The following SLC7A10 variants were observed in gnomAD, a reference collection of about 807,000 sequenced individuals.
SLC7A10 encodes solute carrier family 7 member 10, also known as asc-type amino acid transporter 1.
Under a neutral mutation model 52.7 loss-of-function variants are expected in SLC7A10, and 30 were observed. That is an observed-to-expected ratio of 0.57 (90% CI 0.43 to 0.77). The LOEUF is 0.77. SLC7A10 is among the 30% of genes least tolerant of loss of function. SLC7A10 has a pLI of 0.00. For missense variants in SLC7A10, 581 were observed against 698.5 expected (o/e 0.83, Z 1.90); for synonymous variants, 318 against 314.9 (o/e 1.01, Z -0.10).
At chr19:33,213,434 G>A (rs748358927) in intron 2 of SLC7A10, among the ~76,000 whole-genome samples, 4 of 151,922 alleles carry the variant, frequency 2.6e-5, no homozygotes, top group Admixed American at 1.3e-4. Context: ...GACTACAGGC[G>A]CCTGCCACCA....
At position 33,219,336 on chromosome 19, in the gene SLC7A10, C is replaced by T. The variant is rs546445074; in HGVS notation, c.152-3363G>A. On this transcript the variant is annotated intron_variant, in intron 1 of 10. Transcript: ENST00000253188. ...GAACGAAGAAAGGGCCATTGTTCCC[C>T]GTGGCCGCTGCGGTGCATGCTGACC... Among the ~76,000 whole-genome samples the T allele has an allele frequency of 4.6e-5, 7 of 152,374 alleles. No individual in the cohort carries two copies. In the South Asian group the frequency reaches 8.3e-4, roughly 18 times the overall value.
At chr19:33,220,518 TG>T (rs1407661040) in intron 1 of SLC7A10, among the ~76,000 whole-genome samples, 1 of 152,194 alleles carries the variant, frequency 6.6e-6, no homozygotes, top group Non-Finnish European at 1.5e-5. Flanking sequence ...TTATCTTGCT[TG>T]ACTTCCAGAC....
chr19:33,211,718 C>A (rs1201770053), intron 5 of SLC7A10, 181 bp from the exon 6 acceptor site: 1 of 1,163,546 alleles, frequency 8.6e-7, no homozygotes, highest in Non-Finnish European at 1.2e-6. Context: ...TGCCCCACCC[C>A]CACCTGGACA....
chr19:33,216,878 C>G (rs11878801), intron 1 of SLC7A10, among the ~76,000 whole-genome samples: 1 of 152,156 alleles, frequency 6.6e-6, no homozygotes, highest in African/African-American at 2.4e-5. Flanking sequence ...CTGTGCCCAG[C>G]TTCTTTCTTT....
intron 10 of SLC7A10, 134 bp from the exon 11 acceptor site, chr19:33,209,155 T>C (rs1974480098): frequency 2.0e-6 from 3 of 1,533,786 alleles, no homozygotes; most frequent in South Asian, 1.2e-5. Flanking sequence ...AAACTTTGGG[T>C]ACATCTTGGG....
rs1159319172 is a variant in SLC7A10 at position 33,211,235 on chromosome 19, T to A, written c.1006A>T (p.Thr336Ser). Residue 336 changes from threonine (T) to serine (S), a missense_variant, in exon 7 of 11, where the codon ACC becomes TCC. Transcript: ENST00000253188. ...CCCCAGTGCAGTCACCTGGAGTAGG[T>A]GAACAGGTAACCATTGATCCCTCCG... ...TFGGINGYLF[T>S]YSRLCFSGAR... 7 of 1,613,614 alleles carry A rather than the reference T, an allele frequency of 4.3e-6. No homozygotes were observed. The highest frequency in any genetic ancestry group is 5.9e-6 in the Non-Finnish European group (7 of 1,179,908).
rs1974525137 is a variant in SLC7A10, at chr19:33,210,661, C to T, written c.1114-45G>A. ...TGACGGCTGGCCCCTAGCCTGCCTC[C>T]TGACGCCCCTGCAGGATGAGCCCTG... On this transcript the variant is annotated intron_variant, in intron 8 of 10. Coordinates refer to ENST00000253188, the MANE Select transcript of SLC7A10 (RefSeq NM_019849.3). This position sits in a 1 kb window ranked among gnomAD's most constrained non-coding sequence, Gnocchi z 5.6. 3 of 1,609,846 alleles carry T rather than the reference C, an allele frequency of 1.9e-6. No individual in the cohort carries two copies. The highest frequency in any genetic ancestry group is 2.5e-6 in the Non-Finnish European group (3 of 1,179,826).
chr19:33,223,309 G>GAAAAAAAAAAAA (rs59600246), intron 1 of SLC7A10, among the ~76,000 whole-genome samples: 1 of 117,340 alleles, frequency 8.5e-6, no homozygotes, highest in African/African-American at 3.2e-5. Flanking sequence ...CTCTGTCTCA[G>GAAAAAAAAAAAA]AAAAAAAAAA....
intron 1 of SLC7A10, 122 bp downstream of exon 1, chr19:33,225,431 C>T: frequency 8.0e-7 from 1 of 1,243,106 alleles, no homozygotes; most frequent in South Asian, 1.3e-5. Context: ...TCTCTGAGGC[C>T]AGACTGCAGG....
intron 1 of SLC7A10, among the ~76,000 whole-genome samples, chr19:33,216,351 C>CA (rs1348157784): frequency 3.3e-5 from 5 of 152,204 alleles, no homozygotes; most frequent in Admixed American, 3.3e-4. Flanking sequence ...AGGCACCCCA[C>CA]AAGGCCCATG....
At chr19:33,215,636 C>CACACCTTCTCTCCATCCAGCCCCA (rs1974660008) in intron 2 of SLC7A10, 133 bp downstream of exon 2, 1 of 858,748 alleles carries the variant, frequency 1.2e-6, no homozygotes, top group African/African-American at 1.9e-5. Context: ...ATCCACCCCC[C>CACACCTTCTCTCCATCCAGCCCCA]ACACCTTCTC....
chr19:33,210,981 T>C lies in SLC7A10; in HGVS notation c.1017-83A>G. 2 of 1,352,002 alleles carry C rather than the reference T, an allele frequency of 1.5e-6. No homozygotes were observed. Among genetic ancestry groups the C allele is most frequent in the Non-Finnish European group, 2.1e-6 (2 of 951,136 alleles). The allele number at this position is 1,352,002 out of a possible 1,614,324, so 83.8% of individuals were successfully genotyped here. On this transcript the variant is annotated intron_variant, in intron 7 of 10. Coordinates refer to ENST00000253188, the MANE Select transcript of SLC7A10 (RefSeq NM_019849.3). The surrounding 1 kb of genome is among the most constrained non-coding windows in gnomAD (Gnocchi z 5.6). ...GATGTCCCTCTTAAGCTGTCGCCTC[T>C]GACCTCCTGCTCCGGGCCCAGCAGC...
At chr19:33,217,375 C>G (rs186480502) in intron 1 of SLC7A10, among the ~76,000 whole-genome samples, 1 of 152,180 alleles carries the variant, frequency 6.6e-6, no homozygotes, top group African/African-American at 2.4e-5. Flanking sequence ...AGAGTAGGTT[C>G]CCAGGATGAG....
chr19:33,225,714 C>T lies in SLC7A10; in HGVS notation c.-11G>A, dbSNP rs1203810710. 1 of 1,512,640 alleles carries T rather than the reference C, an allele frequency of 6.6e-7. No homozygotes were observed. Among genetic ancestry groups the T allele is most frequent in the Non-Finnish European group, 8.8e-7 (1 of 1,138,768 alleles). The allele number at this position is 1,512,640 out of a possible 1,614,324, so 93.7% of individuals were successfully genotyped here. On this transcript the variant is annotated 5_prime_UTR_variant, in exon 1 of 11. Transcript: ENST00000253188. ...CGTGTGGCCGGCCATGTCGCTGTCCCGCCGCGTCCCCGCTCCCTGCGCTGC... is the reference window on the plus strand; with the variant it reads ...CGTGTGGCCGGCCATGTCGCTGTCCTGCCGCGTCCCCGCTCCCTGCGCTGC...
intron 2 of SLC7A10, among the ~76,000 whole-genome samples, chr19:33,214,519 T>G (rs1974626565): frequency 6.6e-6 from 1 of 152,182 alleles, no homozygotes; most frequent in South Asian, 2.1e-4. Context: ...TACAACAGCT[T>G]CAATCCCCTG....
In SLC7A10 at chr19:33,225,525, G is replaced by T. The variant is rs766057879; in HGVS notation, c.151+28C>A. On this transcript the variant is annotated intron_variant, in intron 1 of 10. Transcript: ENST00000253188. ...TGCGCCCCTCATTCGGCCTCCGCCCGGCGCCCGCCCGCCTGGGTCCCGCTC... is the reference window on the plus strand; with the variant it reads ...TGCGCCCCTCATTCGGCCTCCGCCCTGCGCCCGCCCGCCTGGGTCCCGCTC... 6.3e-6 allele frequency: 10 copies of T among 1,593,938 alleles called. No homozygotes were observed. In the South Asian group the frequency reaches 6.6e-5, roughly 11 times the overall value.
rs143712740 is a variant in SLC7A10 at position 33,211,559 on chromosome 19, C to T, written c.789-22G>A. ...GTTCCTGGTGACAGGCAGTGGAGTG[C>T]GTCAGCGTCAGCTCCTGAGGGTGCA... On this transcript the variant is annotated intron_variant, in intron 5 of 10. Transcript: ENST00000253188. 2.5e-4 allele frequency: 411 copies of T among 1,613,840 alleles called. No individual in the cohort carries two copies. In the East Asian group the frequency reaches 5.2e-3, roughly 20 times the overall value.
At position 33,215,941 on chromosome 19, in the gene SLC7A10, G is replaced by A. The variant is rs762253610; in HGVS notation, c.184C>T (p.Pro62Ser). ...CCTGAGTGCTCCAGGACCCCCTTGGGCGAGATGAAGATGCCCGAGCCGATG... is the reference window on the plus strand; with the variant it reads ...CCTGAGTGCTCCAGGACCCCCTTGGACGAGATGAAGATGCCCGAGCCGATG... ...NIIGSGIFIS[P>S]KGVLEHSGSV... is the part of the protein sequence containing the mutation. Residue 62 changes from proline (P) to serine (S), a missense_variant, in exon 2 of 11, where the codon CCC becomes TCC. Physicochemically the swap from Pro to Ser is moderately conservative, Grantham distance 74. Transcript: ENST00000253188. The A allele has an allele frequency of 1.3e-6, 2 of 1,593,232 alleles. No homozygotes were observed. The highest frequency in any genetic ancestry group is 3.4e-5 in the Admixed American group (2 of 59,258).
At position 33,222,423 on chromosome 19, in the gene SLC7A10, T is replaced by TAAA. The variant is rs199936352; in HGVS notation, c.151+3129_151+3130insTTT. Among the ~76,000 whole-genome samples, 365 of 106,958 alleles carry TAAA rather than the reference T, an allele frequency of 3.4e-3. 2 individuals carry two copies. Among genetic ancestry groups the TAAA allele is most frequent in the African/African-American group, 0.013 (350 of 25,986 alleles). The allele number at this position is 106,958 out of a possible 152,430, so 70.2% of individuals were successfully genotyped here. A position where few individuals can be genotyped will look rare whatever the true frequency, so the allele number is the denominator to read the frequency against. On this transcript the variant is annotated intron_variant, in intron 1 of 10. Transcript: ENST00000253188. The stretch of plus-strand genomic sequence containing the variant: ...TAATAAAATAAAATATAAAATAAAA[T>TAAA]ATAAAATAAAATAAAATAAAATAAA...
Sources: allele counts gnomAD v4.1 joint callset (sites outside exome capture counted in the v4.1 genomes callset), GRCh38; gene constraint gnomAD v4.1.1; non-coding constraint Gnocchi (gnomAD v3.1); transcripts MANE v1.5; gene names NCBI Gene and HGNC (gene_info 2026-07-23, HGNC 2026-07-21).